KIAA1671: variants seen among roughly 807,000 people sequenced by gnomAD.
KIAA1671 encodes the protein uncharacterized protein KIAA1671.
KIAA1671 carries 52 observed loss-of-function variants against 131.2 expected under a neutral mutation model. That is an observed-to-expected ratio of 0.40 (90% CI 0.32 to 0.50). KIAA1671 has a LOEUF of 0.50. Among genes scored for constraint, KIAA1671 ranks in the 20% least tolerant of loss-of-function variants. The pLI, the probability that KIAA1671 is intolerant of heterozygous loss-of-function variation, is 0.73. For missense variants in KIAA1671, 2,360 were observed against 2,364.2 expected (o/e 1.00, Z 0.04); for synonymous variants, 1,003 against 961.6 (o/e 1.04, Z -0.80).
chr22:25,176,699 T>C (rs956015449), intron 8 of KIAA1671: 1 of 152,206 alleles, frequency 6.6e-6, no homozygotes, highest in African/African-American at 2.4e-5. Context: ...TCCCATCTCC[T>C]TACTGGGGCC....
intron 1 of KIAA1671, among the ~76,000 whole-genome samples, chr22:25,001,272 C>CGTGTGT: frequency 6.6e-6 from 1 of 151,288 alleles, no homozygotes; most frequent in Admixed American, 6.6e-5. Context: ...TATATATATG[C>CGTGTGT]ATGTGTATGT....
At chr22:25,058,568 C>T (rs961685856) in intron 6 of KIAA1671, 2 of 151,958 alleles carry the variant, frequency 1.3e-5, no homozygotes, top group Non-Finnish European at 2.9e-5. Flanking sequence ...AACTGCTGCT[C>T]TAGGGCCTTG....
intron 6 of KIAA1671, chr22:25,049,798 G>A (rs989187011): frequency 6.4e-6 from 1 of 155,916 alleles, no homozygotes; most frequent in Admixed American, 6.3e-5. Context: ...AAAAGTGTGT[G>A]TGGGGCCCAG....
intron 6 of KIAA1671, among the ~76,000 whole-genome samples, chr22:25,088,285 C>G (rs1347854093): frequency 1.3e-5 from 2 of 151,900 alleles, no homozygotes; most frequent in Non-Finnish European, 2.9e-5. Flanking sequence ...TTTTTGTATT[C>G]TTAGTAGAGA....
chr22:24,972,146 C>T (rs1402245377), intron 1 of KIAA1671, among the ~76,000 whole-genome samples: 1 of 152,104 alleles, frequency 6.6e-6, no homozygotes, highest in Admixed American at 6.6e-5. Context: ...GCAGGCAGAC[C>T]AACATTATGC....
intron 12 of KIAA1671, among the ~76,000 whole-genome samples, chr22:25,191,727 G>A (rs527684866): frequency 2.0e-5 from 3 of 152,204 alleles, no homozygotes; most frequent in African/African-American, 4.8e-5. Flanking sequence ...CTCATGGTAC[G>A]TGCACCATCA....
intron 6 of KIAA1671, among the ~76,000 whole-genome samples, chr22:25,082,326 C>T (rs144570163): frequency 6.6e-6 from 1 of 152,212 alleles, no homozygotes; most frequent in East Asian, 1.9e-4. Flanking sequence ...GTCTTAACAC[C>T]TGAGTAGGAC....
At chr22:24,967,509 T>C (rs542047054) in intron 1 of KIAA1671, among the ~76,000 whole-genome samples, 6 of 152,324 alleles carry the variant, frequency 3.9e-5, no homozygotes, top group African/African-American at 1.2e-4. Flanking sequence ...CTTTGTTATT[T>C]GTTGAGCATC....
Position 25,028,662 on chromosome 22 carries a change from C to T in KIAA1671, c.663C>T (p.Ala221=). The change falls in exon 3 of 13, where the codon GCC becomes GCT. Residue 221 remains alanine (A), a synonymous_variant. Coordinates refer to ENST00000358431, the MANE Select transcript of KIAA1671 (RefSeq NM_001145206.2). ...GCCAAGACCATCCTCCCTCAAAGGC[C>T]AGCAGTGTGGAGGACACGGCACGCC... ...EAGQDHPPSK[A]SSVEDTARPL... is the part of the protein sequence containing the mutation. 6.4e-7 allele frequency: 1 copy of T among 1,551,206 alleles called. No homozygotes were observed.
At chr22:25,069,166 T>G (rs1455561703) in intron 6 of KIAA1671, among the ~76,000 whole-genome samples, 1 of 152,062 alleles carries the variant, frequency 6.6e-6, no homozygotes, top group African/African-American at 2.4e-5. Flanking sequence ...ATCTGGACAG[T>G]AGAAGTGATG....
intron 6 of KIAA1671, among the ~76,000 whole-genome samples, chr22:25,093,798 C>CTCTCTT (rs1930221912): frequency 7.1e-6 from 1 of 140,480 alleles, no homozygotes; most frequent in African/African-American, 2.8e-5. Context: ...CTCTCTCTCT[C>CTCTCTT]TCTCTCTCTC....
At chr22:25,032,091 G>C (rs978939394) in intron 3 of KIAA1671, among the ~76,000 whole-genome samples, 94 of 152,332 alleles carry the variant, frequency 6.2e-4, no homozygotes, top group African/African-American at 2.2e-3. Flanking sequence ...GGCAGAGACA[G>C]ACCTGGGCCC....
intron 6 of KIAA1671, among the ~76,000 whole-genome samples, chr22:25,149,064 A>C (rs1932953003): frequency 2.0e-5 from 3 of 151,062 alleles, no homozygotes. Context: ...TCTTACGAGC[A>C]CCGTAACAAT....
At chr22:25,093,174 C>T (rs1415688576) in intron 6 of KIAA1671, among the ~76,000 whole-genome samples, 2 of 152,190 alleles carry the variant, frequency 1.3e-5, no homozygotes, top group African/African-American at 4.8e-5. Flanking sequence ...CTATTGTTAT[C>T]CCCATTTACA....
Position 25,184,979 on chromosome 22 carries a change from T to C in KIAA1671, c.5202T>C (p.Ala1734=), listed in dbSNP as rs1934421439. 1 of 1,551,432 alleles carries C rather than the reference T, an allele frequency of 6.4e-7. No individual in the cohort carries two copies. Among genetic ancestry groups the C allele is most frequent in the Non-Finnish European group, 8.7e-7 (1 of 1,147,032 alleles). ...FPGMDPAVLK[A]QLHKRPEVDS... is the part of the protein sequence containing the mutation. Reference sequence around the variant, plus strand: ...ACTCAGCTCTCTTTTCTCCCCAGGCTCAGCTGCACAAGAGGCCAGAGGTGG... The same window carrying C: ...ACTCAGCTCTCTTTTCTCCCCAGGCCCAGCTGCACAAGAGGCCAGAGGTGG... Residue 1734 remains alanine, a splice_region_variant and synonymous_variant, in exon 11 of 13, where the codon GCT becomes GCC. Coordinates refer to ENST00000358431, the MANE Select transcript of KIAA1671 (RefSeq NM_001145206.2).
At chr22:25,161,441 G>A (rs1219265476) in intron 6 of KIAA1671, among the ~76,000 whole-genome samples, 1 of 152,240 alleles carries the variant, frequency 6.6e-6, no homozygotes, top group Non-Finnish European at 1.5e-5. Flanking sequence ...CCTAGGCAGA[G>A]CCAACAGCTC....
At chr22:25,157,262 G>A (rs528689904) in intron 6 of KIAA1671, among the ~76,000 whole-genome samples, 6 of 152,234 alleles carry the variant, frequency 3.9e-5, no homozygotes, top group East Asian at 1.9e-4. Context: ...CTCTAGTCAC[G>A]CAATTCCTCT....
intron 6 of KIAA1671, among the ~76,000 whole-genome samples, chr22:25,119,303 G>A (rs1284803644): frequency 3.3e-5 from 5 of 152,096 alleles, no homozygotes; most frequent in South Asian, 2.1e-4. Context: ...AGAAGTGTAC[G>A]GCCACATCAC....
chr22:25,061,554 A>G (rs920777620), intron 6 of KIAA1671: 2 of 152,232 alleles, frequency 1.3e-5, no homozygotes, highest in African/African-American at 4.8e-5. Flanking sequence ...CTTTTCTCAT[A>G]TCATCTGACC....
Sources: allele counts gnomAD v4.1 joint callset (sites outside exome capture counted in the v4.1 genomes callset), GRCh38; gene constraint gnomAD v4.1.1; transcripts MANE v1.5; gene names NCBI Gene and HGNC (gene_info 2026-07-23, HGNC 2026-07-21).